Variants in ARB2A observed in about 807,000 individuals in gnomAD.
The protein encoded by ARB2A is cotranscriptional regulator ARB2A.
the ARB2A span, among the ~76,000 whole-genome samples, chr5:93,916,475 TTTAAA>T: frequency 1.3e-5 from 2 of 152,120 alleles, no homozygotes; most frequent in Non-Finnish European, 2.9e-5. Context: ...AATAAGACAA[TTTAAA>T]TAGTATTTTC....
the ARB2A span, among the ~76,000 whole-genome samples, chr5:94,082,485 T>C: frequency 1.3e-5 from 2 of 152,198 alleles, no homozygotes; most frequent in Non-Finnish European, 2.9e-5. Context: ...TAGTAAGCCA[T>C]ATGAATGACA....
At chr5:93,630,502 A>G in the ARB2A span, among the ~76,000 whole-genome samples, 1 of 152,220 alleles carries the variant, frequency 6.6e-6, no homozygotes, top group Non-Finnish European at 1.5e-5. Flanking sequence ...ACACAAAATC[A>G]GCAGCAGACA....
At chr5:93,647,473 G>A in the ARB2A span, among the ~76,000 whole-genome samples, 1 of 151,244 alleles carries the variant, frequency 6.6e-6, no homozygotes, top group Non-Finnish European at 1.5e-5. Flanking sequence ...GGATCCGCTG[G>A]CCTCGGCCTC....
chr5:93,833,948 T>C, the ARB2A span, among the ~76,000 whole-genome samples: 1 of 152,202 alleles, frequency 6.6e-6, no homozygotes, highest in Non-Finnish European at 1.5e-5. Flanking sequence ...GTAGTGAGTG[T>C]AGTATTCAAC....
At chr5:93,663,509 G>C in the ARB2A span, among the ~76,000 whole-genome samples, 1 of 152,174 alleles carries the variant, frequency 6.6e-6, no homozygotes, top group Non-Finnish European at 1.5e-5. Flanking sequence ...CTGATCATGT[G>C]AGATAGATGG....
the ARB2A span, among the ~76,000 whole-genome samples, chr5:94,010,888 G>A: frequency 1.3e-5 from 2 of 152,114 alleles, no homozygotes; most frequent in Non-Finnish European, 2.9e-5. Flanking sequence ...AGTGTAGAGT[G>A]TGTCAGAGGA....
chr5:93,852,526 G>C, the ARB2A span, among the ~76,000 whole-genome samples: 1 of 152,074 alleles, frequency 6.6e-6, no homozygotes. Flanking sequence ...TGAAGTCCTT[G>C]CCCATGCCTA....
the ARB2A span, among the ~76,000 whole-genome samples, chr5:94,111,290 C>G: frequency 1.2e-4 from 19 of 152,312 alleles, no homozygotes; most frequent in East Asian, 5.8e-4. Context: ...GGAACACACA[C>G]GTCGCTCCCG....
chr5:93,788,008 T>C, the ARB2A span, among the ~76,000 whole-genome samples: 1 of 152,198 alleles, frequency 6.6e-6, no homozygotes, highest in East Asian at 1.9e-4. Context: ...ATTCTACCCA[T>C]TTATCCACTC....
the ARB2A span, among the ~76,000 whole-genome samples, chr5:93,711,417 T>C: frequency 3.9e-5 from 6 of 152,194 alleles, no homozygotes; most frequent in African/African-American, 1.4e-4. Context: ...TTTATTTTCC[T>C]ATTTTTATGT....
At chr5:93,648,400 C>T in the ARB2A span, among the ~76,000 whole-genome samples, 7 of 152,146 alleles carry the variant, frequency 4.6e-5, no homozygotes, top group East Asian at 1.4e-3. Flanking sequence ...ACATTGAACA[C>T]CCATCCTTTA....
chr5:93,682,710 G>A, the ARB2A span: 1 of 645,734 alleles, frequency 1.5e-6, no homozygotes. Context: ...ATAGAACCTG[G>A]ACAACATTTA....
the ARB2A span, among the ~76,000 whole-genome samples, chr5:93,717,391 C>G: frequency 6.6e-6 from 1 of 150,870 alleles, no homozygotes; most frequent in Non-Finnish European, 1.5e-5. Flanking sequence ...GGCAAAACAA[C>G]CAGAAAGTTG....
chr5:93,744,095 T>C, the ARB2A span, among the ~76,000 whole-genome samples: 2 of 152,200 alleles, frequency 1.3e-5, no homozygotes, highest in Non-Finnish European at 2.9e-5. Context: ...AGCTTTATTA[T>C]ATTTAAACTG....
At chr5:93,904,562 C>A in the ARB2A span, among the ~76,000 whole-genome samples, 1 of 151,702 alleles carries the variant, frequency 6.6e-6, no homozygotes, top group Non-Finnish European at 1.5e-5. Flanking sequence ...GATGATCTTA[C>A]ATTTTACTCT....
the ARB2A span, among the ~76,000 whole-genome samples, chr5:93,762,549 T>C: frequency 6.6e-6 from 1 of 152,166 alleles, no homozygotes; most frequent in Non-Finnish European, 1.5e-5. Flanking sequence ...TATGGGACTA[T>C]GTGAAAAGAC....
the ARB2A span, among the ~76,000 whole-genome samples, chr5:93,949,420 GCGTGGTGGC>G: frequency 6.6e-6 from 1 of 152,076 alleles, no homozygotes; most frequent in Admixed American, 6.5e-5. Flanking sequence ...AATTAGCTGG[GCGTGGTGGC>G]ACACGCCTGT....
At chr5:93,914,641 T>C in the ARB2A span, among the ~76,000 whole-genome samples, 2 of 151,922 alleles carry the variant, frequency 1.3e-5, no homozygotes, top group Admixed American at 6.6e-5. Context: ...TAAGAAATCA[T>C]AACTCCTTTT....
chr5:93,763,266 G>A, the ARB2A span, among the ~76,000 whole-genome samples: 1 of 152,172 alleles, frequency 6.6e-6, no homozygotes, highest in Admixed American at 6.6e-5. Flanking sequence ...TGGATAAAGA[G>A]TCAAGACCCA....
Sources: gnomAD v4.1 joint callset for allele counts (sites outside exome capture counted in the v4.1 genomes callset) on GRCh38, gnomAD v4.1.1 for gene constraint, MANE v1.5 for transcripts, NCBI Gene and HGNC (gene_info 2026-07-23, HGNC 2026-07-21) for gene names.